TTC23L: variants seen among roughly 807,000 people sequenced by gnomAD.
TTC23L encodes the protein tetratricopeptide repeat domain 23 like, also known as tetratricopeptide repeat protein 23-like.
In TTC23L, 42 loss-of-function variants were observed where a neutral mutation model predicts 48.1. The observed-to-expected ratio is 0.87, with a 90% CI of 0.68 to 1.13. The LOEUF (loss-of-function observed/expected upper bound fraction) is 1.13. Ranked by LOEUF, TTC23L falls within the 50% of genes most tolerant of loss-of-function variation. The pLI is 0.00. For missense variants in TTC23L, 391 were observed against 421.0 expected (o/e 0.93, Z 0.62); for synonymous variants, 159 against 157.2 (o/e 1.01, Z -0.09).
chr5:34,841,726 A>G (rs1477009880), intron 2 of TTC23L, among the ~76,000 whole-genome samples: 1 of 152,160 alleles, frequency 6.6e-6, no homozygotes, highest in East Asian at 1.9e-4. Context: ...TATGTTACCT[A>G]GGCTGGTCTG....
chr5:34,925,003 T>C, the TTC23L span: 1 of 1,607,352 alleles, frequency 6.2e-7, no homozygotes, highest in Non-Finnish European at 8.5e-7. Flanking sequence ...TCAGTAGTCT[T>C]CAATGTACCA....
At chr5:34,916,432 C>G in the TTC23L span, 1 of 152,324 alleles carries the variant, frequency 6.6e-6, no homozygotes. Context: ...TACTTGTATT[C>G]AACAGACATT....
At chr5:34,886,081 G>A (rs1165412835) in intron 9 of TTC23L, among the ~76,000 whole-genome samples, 4 of 152,110 alleles carry the variant, frequency 2.6e-5, no homozygotes. Flanking sequence ...TCTATGATCT[G>A]GGGCAAGATC....
At chr5:34,907,410 T>C in the TTC23L span, 1 of 152,206 alleles carries the variant, frequency 6.6e-6, no homozygotes, top group Non-Finnish European at 1.5e-5. Flanking sequence ...AAAAGGCCAA[T>C]AGTGACTGTC....
At chr5:34,851,421 C>A (rs1403600067) in intron 4 of TTC23L, among the ~76,000 whole-genome samples, 1 of 152,084 alleles carries the variant, frequency 6.6e-6, no homozygotes, top group Non-Finnish European at 1.5e-5. Context: ...CCCTTTTACA[C>A]CCATTTATTT....
chr5:34,850,911 T>TGGGGG (rs1364725658), intron 4 of TTC23L, among the ~76,000 whole-genome samples: 19 of 152,182 alleles, frequency 1.2e-4, no homozygotes, highest in Non-Finnish European at 2.6e-4. Flanking sequence ...GAATAAATAT[T>TGGGGG]GGGTGATACA....
At chr5:34,869,241 A>G in intron 8 of TTC23L, 2 of 439,860 alleles carry the variant, frequency 4.5e-6, no homozygotes, top group Non-Finnish European at 8.5e-6. Flanking sequence ...TACATCCTCT[A>G]TTTATTTTGA....
At chr5:34,900,409 G>A (rs1470134587), downstream of TTC23L, among the ~76,000 whole-genome samples, 1 of 151,866 alleles carries the variant, frequency 6.6e-6, no homozygotes, top group Non-Finnish European at 1.5e-5. Context: ...GCAGAGGAAG[G>A]CAGACTGCTT....
intron 9 of TTC23L, among the ~76,000 whole-genome samples, chr5:34,887,154 T>C (rs145299024): frequency 1.2e-3 from 179 of 152,224 alleles, no homozygotes; most frequent in African/African-American, 4.2e-3. Context: ...GATTTCAGGG[T>C]AACCTAATGT....
At chr5:34,899,669 T>A (rs1763441404), downstream of TTC23L, among the ~76,000 whole-genome samples, 1 of 152,214 alleles carries the variant, frequency 6.6e-6, no homozygotes, top group Non-Finnish European at 1.5e-5. Context: ...GGCAGGCCAA[T>A]CATGAAGTCA....
At chr5:34,892,494 C>G (rs1762934491) in intron 9 of TTC23L, among the ~76,000 whole-genome samples, 1 of 152,106 alleles carries the variant, frequency 6.6e-6, no homozygotes, top group African/African-American at 2.4e-5. Context: ...CTCATTTAAG[C>G]ACTAGAAATA....
At chr5:34,913,716 A>G in the TTC23L span, 1 of 609,386 alleles carries the variant, frequency 1.6e-6, no homozygotes, top group Non-Finnish European at 2.9e-6. Flanking sequence ...TTAGCAATCA[A>G]AACATCTTAG....
the TTC23L span, chr5:34,911,911 C>T: frequency 4.3e-5 from 59 of 1,374,382 alleles, no homozygotes; most frequent in South Asian, 3.9e-4. Context: ...TAATTTATTC[C>T]GCCCAATTTC....
chr5:34,922,674 T>A, the TTC23L span: 1 of 1,609,550 alleles, frequency 6.2e-7, no homozygotes, highest in Non-Finnish European at 8.5e-7. Flanking sequence ...ACTATTTTTG[T>A]TTTTGTTGTA....
chr5:34,887,537 CA>C (rs1415144066), intron 9 of TTC23L, among the ~76,000 whole-genome samples: 4 of 151,870 alleles, frequency 2.6e-5, no homozygotes, highest in African/African-American at 4.8e-5. Context: ...ACAAAACAAG[CA>C]AAAAACAAAT....
downstream of TTC23L, among the ~76,000 whole-genome samples, chr5:34,900,246 T>C (rs1763470794): frequency 6.6e-6 from 1 of 152,198 alleles, no homozygotes; most frequent in Admixed American, 6.5e-5. Flanking sequence ...ACTGATAAGC[T>C]TAACAGTTGA....
chr5:34,853,346 C>T lies in TTC23L; in HGVS notation c.379+3038C>T, dbSNP rs192604748. Among the ~76,000 whole-genome samples, 726 of 152,198 alleles carry T rather than the reference C, an allele frequency of 4.8e-3. 24 individuals carry two copies. The highest frequency in any genetic ancestry group is 0.04 in the Admixed American group (615 of 15,284). ...AGGAGCTGGAGACCAGCTTGGTCAA[C>T]ATGGTGAAACCCCGTCTCTACTAAA... On this transcript the variant is annotated intron_variant, in intron 4 of 10. Coordinates refer to ENST00000505624, the Ensembl canonical transcript of TTC23L.
intron 8 of TTC23L, among the ~76,000 whole-genome samples, chr5:34,876,296 C>T (rs1273782215): frequency 6.6e-6 from 1 of 151,572 alleles, no homozygotes; most frequent in Non-Finnish European, 1.5e-5. Context: ...TTGAAAACAG[C>T]AAGTCAATGA....
At chr5:34,918,269 C>T in the TTC23L span, 2 of 610,800 alleles carry the variant, frequency 3.3e-6, no homozygotes, top group Non-Finnish European at 2.9e-6. Context: ...GAGCCGTGAG[C>T]ACTTCAGCCT....
Sources: gnomAD v4.1 joint callset for allele counts (sites outside exome capture counted in the v4.1 genomes callset) on GRCh38, gnomAD v4.1.1 for gene constraint, MANE v1.5 for transcripts, NCBI Gene and HGNC (gene_info 2026-07-23, HGNC 2026-07-21) for gene names.